CPSF7: variants seen among roughly 807,000 people sequenced by gnomAD.
CPSF7 encodes the protein cleavage and polyadenylation specificity factor subunit 7.
A neutral mutation model predicts 44.3 loss-of-function variants in CPSF7; 1 was observed. The ratio of observed to expected loss-of-function variants is 0.02; its 90% CI spans 0.01 to 0.11. The LOEUF (loss-of-function observed/expected upper bound fraction) is 0.11, where lower values mean the gene tolerates loss of function less well. Ranked by LOEUF, CPSF7 falls within the 10% of genes least tolerant of loss-of-function variation. CPSF7 has a pLI of 1.00. For synonymous variants in CPSF7, 202 were observed against 222.0 expected (o/e 0.91, Z 0.80); for missense variants, 443 against 607.2 (o/e 0.73, Z 2.84).
At chr11:61,409,714 G>A (rs1232289425) in intron 9 of CPSF7, among the ~76,000 whole-genome samples, 4 of 150,300 alleles carry the variant, frequency 2.7e-5, no homozygotes, top group Non-Finnish European at 4.4e-5. Flanking sequence ...GGTGGCTCAC[G>A]CCTGTAATCC....
chr11:61,411,541 G>A (rs1421703849), intron 8 of CPSF7, among the ~76,000 whole-genome samples: 1 of 152,164 alleles, frequency 6.6e-6, no homozygotes, highest in Non-Finnish European at 1.5e-5. Flanking sequence ...ATATCTGTCT[G>A]TATTTTTTCC....
chr11:61,419,996 G>A lies in CPSF7; in HGVS notation c.476C>T (p.Pro159Leu), dbSNP rs1860721541. 1.9e-6 allele frequency: 3 copies of A among 1,614,110 alleles called. No homozygotes were observed. Among genetic ancestry groups the A allele is most frequent in the Non-Finnish European group, 2.5e-6 (3 of 1,180,030 alleles). Residue 159 changes from proline to leucine, a missense_variant, in exon 5 of 10, where the codon CCG (proline) becomes CTG (leucine). Transcript: ENST00000439958. ...CTGTGACAGGTTCTGCCGGGTGGCCGGCCTCACGTCCACTTTTTCTCCATT... is the reference window on the plus strand; with the variant it reads ...CTGTGACAGGTTCTGCCGGGTGGCCAGCCTCACGTCCACTTTTTCTCCATT... ...VLNGEKVDVR[P>L]ATRQNLSQFE...
chr11:61,429,381 A>C, intron 1 of CPSF7, 91 bp from the exon 2 acceptor site: 1 of 762,600 alleles, frequency 1.3e-6, no homozygotes, highest in Non-Finnish European at 2.3e-6. Context: ...ATCTCCAGAG[A>C]CGCAGCATCC....
At position 61,429,953 on chromosome 11, in the gene CPSF7, C is replaced by G; in HGVS notation, c.-95G>C. 1.5e-6 allele frequency: 2 copies of G among 1,360,338 alleles called. No homozygotes were observed. The highest frequency in any genetic ancestry group is 1.4e-5 in the South Asian group (1 of 72,024). The allele number at this position is 1,360,338 out of a possible 1,614,324, so 84.3% of individuals were successfully genotyped here. ...CGGCGGCGGCGAGTCCGGACTAGGC[C>G]CGAAGCGCGCGAACCGCTCTCCGCC... On this transcript the variant is annotated 5_prime_UTR_variant, in exon 1 of 10. Coordinates refer to ENST00000439958, the MANE Select transcript of CPSF7 (RefSeq NM_001142565.3).
chr11:61,414,605 GCTAA>G (rs1250047451), intron 7 of CPSF7, among the ~76,000 whole-genome samples: 1 of 152,154 alleles, frequency 6.6e-6, no homozygotes, highest in Non-Finnish European at 1.5e-5. Context: ...AATATTTAGG[GCTAA>G]CTTATTTCTT....
chr11:61,408,645 T>C (rs1263490807), intron 9 of CPSF7, among the ~76,000 whole-genome samples: 15 of 152,196 alleles, frequency 9.9e-5, no homozygotes, highest in Admixed American at 9.2e-4. Context: ...CCAGAAGTTT[T>C]CCTTCAGTTG....
intron 5 of CPSF7, among the ~76,000 whole-genome samples, chr11:61,417,608 G>A (rs1860461013): frequency 6.6e-6 from 1 of 152,222 alleles, no homozygotes; most frequent in Non-Finnish European, 1.5e-5. Flanking sequence ...AATCAATTAT[G>A]TTGACAACCA....
chr11:61,423,782 G>C lies in CPSF7; in HGVS notation c.55-2174C>G, dbSNP rs749852646. On this transcript the variant is annotated intron_variant, in intron 2 of 9. Coordinates refer to ENST00000439958, the MANE Select transcript of CPSF7 (RefSeq NM_001142565.3). ...ACTGCTAATTCTGAAGTGATCTGAA[G>C]ACGACTCACTAAAAAATTTACTCTT... Among the ~76,000 whole-genome samples the C allele has an allele frequency of 2.0e-3, 308 of 152,260 alleles. 3 individuals are homozygous for C. The highest frequency in any genetic ancestry group is 6.3e-4 in the Non-Finnish European group (43 of 68,020).
intron 2 of CPSF7, among the ~76,000 whole-genome samples, chr11:61,428,493 A>C (rs1441134620): frequency 1.3e-5 from 2 of 152,116 alleles, no homozygotes; most frequent in African/African-American, 2.4e-5. Flanking sequence ...GCTCTAGATA[A>C]ATTTCTGTAT....
rs569076074 is a variant in CPSF7 at position 61,420,710 on chromosome 11, C to T, written c.274-137G>A. 3.1e-4 allele frequency: 204 copies of T among 657,324 alleles called. 1 individual carries two copies. In the African/African-American group the frequency reaches 3.4e-3, roughly 11 times the overall value. 40.7% of individuals were successfully genotyped at this position (657,324 alleles called of 1,614,324 possible). A position where few individuals can be genotyped will look rare whatever the true frequency, so the allele number is the denominator to read the frequency against. Reference sequence around the variant, plus strand: ...AAGCCTGGCAATATTTCAATTAGTGCAGACTTTTCTTATTGTCCTCACCCA... The same window carrying T: ...AAGCCTGGCAATATTTCAATTAGTGTAGACTTTTCTTATTGTCCTCACCCA... On this transcript the variant is annotated intron_variant, in intron 3 of 9. Transcript: ENST00000439958.
At chr11:61,416,028 C>T in intron 6 of CPSF7, 77 bp downstream of exon 6, 3 of 1,293,896 alleles carry the variant, frequency 2.3e-6, no homozygotes, top group Non-Finnish European at 3.2e-6. Context: ...ATTCAGTGCT[C>T]ACTTTCTCAG....
chr11:61,422,340 G>T (rs1452417110), intron 2 of CPSF7, among the ~76,000 whole-genome samples: 2 of 151,142 alleles, frequency 1.3e-5, no homozygotes, highest in South Asian at 4.2e-4. Flanking sequence ...TTGAGACAGG[G>T]TCTCACTTTG....
At chr11:61,417,167 G>A (rs1055806076) in intron 5 of CPSF7, among the ~76,000 whole-genome samples, 3 of 152,134 alleles carry the variant, frequency 2.0e-5, no homozygotes, top group Non-Finnish European at 4.4e-5. Context: ...TCCGCCCACA[G>A]CACAAGCAGA....
chr11:61,416,433 C>T lies in CPSF7; in HGVS notation c.610G>A (p.Ala204Thr). Reference sequence around the variant, plus strand: ...ACACTGGGGGGCTTATCCACACGAGCAGATGAGGGTACAAGGTTCTCAGAG... The same window carrying T: ...ACACTGGGGGGCTTATCCACACGAGTAGATGAGGGTACAAGGTTCTCAGAG... ...TPSENLVPSS[A>T]RVDKPPSVLP... The change falls in exon 6 of 10, where the codon GCT becomes ACT. Residue 204 changes from alanine to threonine, a missense_variant. Ala to Thr is a moderately conservative substitution (Grantham distance 58, BLOSUM62 0). Transcript: ENST00000439958. The T allele has an allele frequency of 6.2e-7, 1 of 1,614,020 alleles. No individual in the cohort carries two copies. Among genetic ancestry groups the T allele is most frequent in the Non-Finnish European group, 8.5e-7 (1 of 1,179,974 alleles).
chr11:61,418,708 G>T (rs1032310010), intron 5 of CPSF7, among the ~76,000 whole-genome samples: 3 of 151,206 alleles, frequency 2.0e-5, no homozygotes, highest in African/African-American at 7.4e-5. Context: ...GTAGTTCTGA[G>T]GTAACTTTCT....
chr11:61,425,600 C>T (rs900423552), intron 2 of CPSF7, among the ~76,000 whole-genome samples: 1 of 152,156 alleles, frequency 6.6e-6, no homozygotes, highest in African/African-American at 2.4e-5. Flanking sequence ...TCCTAACCTC[C>T]ACCCTCTTCT....
intron 7 of CPSF7, among the ~76,000 whole-genome samples, chr11:61,414,962 C>A (rs954001184): frequency 6.6e-6 from 1 of 152,116 alleles, no homozygotes; most frequent in African/African-American, 2.4e-5. Flanking sequence ...CTAGGCTGGA[C>A]GTGGTGGCTC....
chr11:61,426,117 C>T (rs555816192), intron 2 of CPSF7, among the ~76,000 whole-genome samples: 1 of 152,186 alleles, frequency 6.6e-6, no homozygotes, highest in Non-Finnish European at 1.5e-5. Context: ...GCAGCAAATG[C>T]TCTAAGAGAT....
intron 1 of CPSF7, chr11:61,429,669 G>A (rs1202156709): frequency 4.0e-5 from 56 of 1,415,576 alleles, no homozygotes; most frequent in Middle Eastern, 3.9e-4. Flanking sequence ...AGAGCCCCCA[G>A]GTGTCAAGCA....
Sources: gnomAD v4.1 joint callset for allele counts (sites outside exome capture counted in the v4.1 genomes callset) on GRCh38, gnomAD v4.1.1 for gene constraint, MANE v1.5 for transcripts, NCBI Gene and HGNC (gene_info 2026-07-23, HGNC 2026-07-21) for gene names.